NRXN3: variants seen among roughly 807,000 people sequenced by gnomAD.
NRXN3 encodes neurexin III.
NRXN3 carries 32 observed loss-of-function variants against 137.6 expected under a neutral mutation model. The ratio of observed to expected loss-of-function variants is 0.23; its 90% CI spans 0.18 to 0.31. The LOEUF is 0.31. Among genes scored for constraint, NRXN3 ranks in the 10% least tolerant of loss-of-function variants. The pLI is 1.00. For synonymous variants in NRXN3, 798 were observed against 784.5 expected, an observed-to-expected ratio of 1.02 and a Z score of -0.29; for missense variants, 1,574 against 2,062.5, an observed-to-expected ratio of 0.76 and a Z score of 4.59.
chr14:79,663,648 ATTATC>A, intron 16 of NRXN3, 125 bp from the exon 17 acceptor site: 1 of 731,910 alleles, frequency 1.4e-6, no homozygotes, highest in Non-Finnish European at 2.3e-6. Flanking sequence ...GAATGCTATT[ATTATC>A]TTATCTTCAT....
chr14:78,773,459 G>A (rs1456427414), intron 8 of NRXN3, among the ~76,000 whole-genome samples: 1 of 152,150 alleles, frequency 6.6e-6, no homozygotes, highest in Non-Finnish European at 1.5e-5. Context: ...TTTTATGGAA[G>A]TACCTGTCAT....
At chr14:79,699,321 T>C (rs1466593230) in intron 19 of NRXN3, among the ~76,000 whole-genome samples, 1 of 151,982 alleles carries the variant, frequency 6.6e-6, no homozygotes, top group Non-Finnish European at 1.5e-5. Flanking sequence ...AGCAGATCTG[T>C]TTATTGTTGG....
At chr14:78,857,321 A>G (rs1368290795) in intron 10 of NRXN3, among the ~76,000 whole-genome samples, 1 of 152,200 alleles carries the variant, frequency 6.6e-6, no homozygotes, top group Non-Finnish European at 1.5e-5. Context: ...AAAAGAAAAA[A>G]TGCTGCATAA....
intron 4 of NRXN3, among the ~76,000 whole-genome samples, chr14:78,483,974 A>C (rs1041551372): frequency 8.2e-5 from 11 of 133,994 alleles, no homozygotes; most frequent in Middle Eastern, 3.5e-3. Context: ...AAACCAAGGG[A>C]TGCTCTTACA....
chr14:79,162,286 G>GC (rs1357720705), intron 15 of NRXN3, among the ~76,000 whole-genome samples: 2 of 106,874 alleles, frequency 1.9e-5, no homozygotes, highest in African/African-American at 3.8e-5. Flanking sequence ...ATGCTATCCC[G>GC]CCCCCCTCCC....
At chr14:79,147,040 G>C (rs1236993388) in intron 15 of NRXN3, among the ~76,000 whole-genome samples, 1 of 152,046 alleles carries the variant, frequency 6.6e-6, no homozygotes, top group Non-Finnish European at 1.5e-5. Flanking sequence ...AGATGTATGA[G>C]GGGGATGAAA....
chr14:79,146,230 T>C (rs1440948935), intron 15 of NRXN3, among the ~76,000 whole-genome samples: 2 of 152,108 alleles, frequency 1.3e-5, no homozygotes, highest in African/African-American at 2.4e-5. Flanking sequence ...AAGCAATAGA[T>C]TCAAGATGAA....
At chr14:78,968,008 T>C (rs1025788435) in intron 13 of NRXN3, among the ~76,000 whole-genome samples, 165 bp from the exon 14 acceptor site, 3 of 151,568 alleles carry the variant, frequency 2.0e-5, no homozygotes, top group Admixed American at 6.6e-5. Flanking sequence ...TTTCCTTTTT[T>C]TGCAGGGTAG....
At chr14:79,034,062 T>C (rs1253181158) in intron 15 of NRXN3, among the ~76,000 whole-genome samples, 2 of 152,068 alleles carry the variant, frequency 1.3e-5, no homozygotes, top group Non-Finnish European at 2.9e-5. Context: ...TAGGATTTCT[T>C]ATCACCCACT....
intron 16 of NRXN3, among the ~76,000 whole-genome samples, chr14:79,625,116 C>T (rs1480691033): frequency 6.6e-6 from 1 of 152,102 alleles, no homozygotes; most frequent in East Asian, 1.9e-4. Flanking sequence ...ATTTTTCTTG[C>T]TGTGTCTGGC....
intron 4 of NRXN3, among the ~76,000 whole-genome samples, chr14:78,342,659 G>A (rs2082267007): frequency 6.6e-6 from 1 of 152,132 alleles, no homozygotes; most frequent in African/African-American, 2.4e-5. Context: ...TAATACATTG[G>A]TGTTCAAATG....
intron 16 of NRXN3, among the ~76,000 whole-genome samples, chr14:79,585,633 G>A (rs181271626): frequency 2.1e-5 from 3 of 144,434 alleles, no homozygotes; most frequent in East Asian, 4.3e-4. Context: ...TGCAGTGAGC[G>A]GAGATTGTGC....
chr14:79,709,339 A>G (rs2098794145), intron 19 of NRXN3, among the ~76,000 whole-genome samples: 2 of 152,182 alleles, frequency 1.3e-5, no homozygotes, highest in African/African-American at 2.4e-5. Flanking sequence ...AACCCAAAGT[A>G]TTAATGTAAG....
chr14:78,567,484 A>T (rs2096846930), intron 4 of NRXN3, among the ~76,000 whole-genome samples: 1 of 151,936 alleles, frequency 6.6e-6, no homozygotes, highest in Non-Finnish European at 1.5e-5. Flanking sequence ...AAGAGCGATG[A>T]CCTCACTGAC....
chr14:79,579,620 G>A (rs958453013), intron 16 of NRXN3, among the ~76,000 whole-genome samples: 10 of 151,940 alleles, frequency 6.6e-5, no homozygotes, highest in Non-Finnish European at 1.5e-4. Context: ...TGTAGAAATT[G>A]TTTAGAATTT....
chr14:79,772,650 G>A (rs1426910503), intron 19 of NRXN3, among the ~76,000 whole-genome samples: 6 of 152,114 alleles, frequency 3.9e-5, no homozygotes, highest in Admixed American at 2.0e-4. Flanking sequence ...AGTCTTAAAC[G>A]TTAGACCTAA....
In NRXN3 at chr14:78,965,544, CAG is replaced by C. The variant is rs555175406; in HGVS notation, c.2396-480_2396-479del. Among the ~76,000 whole-genome samples, 63 of 152,234 alleles carry C rather than the reference CAG, an allele frequency of 4.1e-4. No homozygotes were observed. The South Asian group carries it at 0.013, about 31-fold the overall frequency. On this transcript the variant is annotated intron_variant, in intron 11 of 20. Transcript: ENST00000335750. The stretch of plus-strand genomic sequence containing the variant: ...TACGTGTTATTATAAGATAAAGTAA[CAG>C]TTGCTGGGCAGGTAAACTCAACTGA...
intron 1 of NRXN3, among the ~76,000 whole-genome samples, chr14:78,217,252 T>C (rs1265105117): frequency 6.6e-6 from 1 of 152,222 alleles, no homozygotes; most frequent in Non-Finnish European, 1.5e-5. Context: ...AAATGAACAA[T>C]TGACATATAT....
At chr14:79,385,210 C>CCCCCCCCCCCCCCCCCCT (rs374801208) in intron 15 of NRXN3, among the ~76,000 whole-genome samples, 1 of 112,318 alleles carries the variant, frequency 8.9e-6, no homozygotes, top group Non-Finnish European at 1.9e-5. Flanking sequence ...TCCTTCCCCC[C>CCCCCCCCCCCCCCCCCCT]GCCCCCACCC....
Sources: gnomAD v4.1 joint callset for allele counts (sites outside exome capture counted in the v4.1 genomes callset) on GRCh38, gnomAD v4.1.1 for gene constraint, MANE v1.5 for transcripts, NCBI Gene and HGNC (gene_info 2026-07-23, HGNC 2026-07-21) for gene names.